Variants in YJU2B observed in about 807,000 individuals in gnomAD.
YJU2B encodes probable splicing factor YJU2B.
A neutral mutation model predicts 38.0 loss-of-function variants in YJU2B; 18 were observed. The ratio of observed to expected loss-of-function variants is 0.47; its 90% CI spans 0.33 to 0.70. The LOEUF is 0.70. YJU2B is among the 30% of genes least tolerant of loss of function. The pLI is 0.02. For missense variants in YJU2B, 538 were observed against 556.3 expected, an observed-to-expected ratio of 0.97 and a Z score of 0.33; for synonymous variants, 246 against 225.4, an observed-to-expected ratio of 1.09 and a Z score of -0.82.
Position 13,763,033 on chromosome 19 carries a change from C to G in YJU2B, c.1156C>G (p.Leu386Val). The G allele has an allele frequency of 6.3e-7, 1 of 1,578,178 alleles. No homozygotes were observed. Among genetic ancestry groups the G allele is most frequent in the East Asian group, 2.2e-5 (1 of 44,540 alleles). The change falls in exon 10 of 10, where the codon CTC (leucine) becomes GTC (valine). Residue 386 changes from leucine (L) to valine (V), a missense_variant. Around this residue, in one of 2 missense-constraint regions of YJU2B, gnomAD observed 488 missense variants for 469.5 expected, o/e 1.04. Transcript: ENST00000221554. Reference sequence around the variant, plus strand: ...GCACCCCTGCAGTCTCGGCTCCTCCCTCGTGGCGGACTACTCCGACTCGGA... The same window carrying G: ...GCACCCCTGCAGTCTCGGCTCCTCCGTCGTGGCGGACTACTCCGACTCGGA... ...TRHPCSLGSSLVADYSDSESE is the reference protein window; with the variant it reads ...TRHPCSLGSSVVADYSDSESE
In YJU2B at chr19:13,732,784, T is replaced by C. The variant is rs1972851976; in HGVS notation, c.-202+499T>C. ...CCACCACACTCAGCTAATTTCTGTA[T>C]TTTTAGTAGAGACCGGGTTTCACCG... is the stretch of plus-strand genomic sequence containing the variant. On this transcript the variant is annotated intron_variant, in intron 2 of 10. Transcript: ENST00000586600. Among the ~76,000 whole-genome samples, 3 of 151,712 alleles carry C rather than the reference T, an allele frequency of 2.0e-5. 1 individual carries two copies. In the South Asian group the frequency reaches 6.2e-4, roughly 32 times the overall value.
upstream of YJU2B, among the ~76,000 whole-genome samples, chr19:13,747,420 T>C (rs184224197): frequency 9.4e-4 from 143 of 152,340 alleles, 1 homozygote; most frequent in African/African-American, 2.4e-3. Context: ...GAGGATTGCT[T>C]GGGCCCTGGA....
At chr19:13,745,706 T>TATAG (rs1568280979), upstream of YJU2B, among the ~76,000 whole-genome samples, 1,250 of 47,266 alleles carry the variant, frequency 0.026, 28 homozygotes, top group African/African-American at 0.059. Flanking sequence ...GATATATAGA[T>TATAG]ATCTATAGAT....
chr19:13,759,032 G>C (rs780117992), intron 7 of YJU2B, 22 bp downstream of exon 7: 9 of 1,612,004 alleles, frequency 5.6e-6, no homozygotes, highest in Middle Eastern at 1.6e-4. Context: ...CCACTTACCT[G>C]CCTGGGGGCC....
At chr19:13,749,994 C>G (rs983279290) in intron 1 of YJU2B, among the ~76,000 whole-genome samples, 3 of 152,078 alleles carry the variant, frequency 2.0e-5, no homozygotes, top group Non-Finnish European at 4.4e-5. Context: ...TTTGAGGAGC[C>G]CCTGCATTTC....
chr19:13,756,590 G>C (rs1973676090), intron 4 of YJU2B, among the ~76,000 whole-genome samples: 1 of 152,132 alleles, frequency 6.6e-6, no homozygotes, highest in Non-Finnish European at 1.5e-5. Flanking sequence ...GTTTAGCAGG[G>C]ACTTGACCTG....
intron 2 of YJU2B, among the ~76,000 whole-genome samples, chr19:13,736,146 G>T (rs547186798): frequency 6.6e-6 from 1 of 151,770 alleles, no homozygotes; most frequent in Non-Finnish European, 1.5e-5. Context: ...TAAATTATAG[G>T]ATATACCAAT....
chr19:13,757,957 A>G, intron 6 of YJU2B, 111 bp downstream of exon 6: 1 of 934,652 alleles, frequency 1.1e-6, no homozygotes, highest in South Asian at 1.5e-5. Context: ...ACTCCTGGAA[A>G]TCGCCCTGGT....
At chr19:13,743,884 C>G (rs964640609), upstream of YJU2B, among the ~76,000 whole-genome samples, 10 of 127,726 alleles carry the variant, frequency 7.8e-5, no homozygotes, top group African/African-American at 3.0e-4. Flanking sequence ...GACTCAGTCT[C>G]AGGAAAAAAA....
At position 13,751,543 on chromosome 19, in the gene YJU2B, T is replaced by A. The variant is rs930857897; in HGVS notation, c.-201-65T>A. 13 of 488,610 alleles carry A rather than the reference T, an allele frequency of 2.7e-5. No individual in the cohort carries two copies. In the South Asian group the frequency reaches 3.9e-4, roughly 15 times the overall value. 30.3% of individuals were successfully genotyped at this position (488,610 alleles called of 1,614,324 possible). On this transcript the variant is annotated intron_variant, in intron 1 of 9. Coordinates refer to ENST00000221554, the MANE Select transcript of YJU2B (RefSeq NM_030818.4). ...GGACCCGGTGGGGGCCACAGAGGGA[T>A]GAAAGTGTCAGATGTGATGCGTATA...
At chr19:13,734,353 A>G (rs2145072684) in intron 2 of YJU2B, among the ~76,000 whole-genome samples, 1 of 150,438 alleles carries the variant, frequency 6.6e-6, no homozygotes, top group East Asian at 2.0e-4. Flanking sequence ...GTGCAATGGC[A>G]CGATCTTCAC....
At chr19:13,733,654 G>A (rs1972875197) in intron 2 of YJU2B, among the ~76,000 whole-genome samples, 1 of 152,130 alleles carries the variant, frequency 6.6e-6, no homozygotes, top group Admixed American at 6.5e-5. Flanking sequence ...CCAGAAGGTG[G>A]AGGTTGTAGT....
Position 13,762,440 on chromosome 19 carries a change from G to A in YJU2B, c.712+3G>A, listed in dbSNP as rs1476684418. The A allele has an allele frequency of 1.2e-6, 2 of 1,611,558 alleles. No homozygotes were observed. Among genetic ancestry groups the A allele is most frequent in the East Asian group, 4.5e-5 (2 of 44,868 alleles). On this transcript the variant is annotated splice_donor_region_variant and intron_variant, in intron 9 of 9. Transcript: ENST00000221554. Reference sequence around the variant, plus strand: ...GCTGAAGTTCCACACCCTGGACTGTGCGTAGGAGGCCAGGGGGAAAAGGGG... The same window carrying A: ...GCTGAAGTTCCACACCCTGGACTGTACGTAGGAGGCCAGGGGGAAAAGGGG...
chr19:13,754,208 T>G, intron 2 of YJU2B, 81 bp from the exon 3 acceptor site: 2 of 1,133,602 alleles, frequency 1.8e-6, no homozygotes, highest in Non-Finnish European at 2.7e-6. Context: ...CAGAAAAAAT[T>G]TTTTTGAATG....
At chr19:13,747,439 C>G (rs1027477967), upstream of YJU2B, among the ~76,000 whole-genome samples, 47 of 152,236 alleles carry the variant, frequency 3.1e-4, no homozygotes, top group African/African-American at 1.0e-3. Context: ...GAGTTCGAGA[C>G]TAGCCGGGGC....
In YJU2B at chr19:13,756,869, CGGGA is replaced by C. The variant is rs558960155; in HGVS notation, c.141-546_141-543del. On this transcript the variant is annotated intron_variant, in intron 4 of 9. Transcript: ENST00000221554. ...GCTCACACCTGTAATCCCAGCTCCT[CGGGA>C]GGCTGAGGCAGGAGAATCACTTGAA... is the stretch of plus-strand genomic sequence containing the variant. Among the ~76,000 whole-genome samples the C allele has an allele frequency of 4.6e-5, 7 of 150,930 alleles. No homozygotes were observed. In the East Asian group the frequency reaches 1.4e-3, roughly 30 times the overall value.
At chr19:13,761,946 ACT>A (rs1469763070) in intron 8 of YJU2B, among the ~76,000 whole-genome samples, 1 of 152,030 alleles carries the variant, frequency 6.6e-6, no homozygotes, top group Admixed American at 6.6e-5. Context: ...CTGGTCTCAA[ACT>A]ACTGGCCTCA....
chr19:13,752,809 A>G (rs963959277), intron 2 of YJU2B, among the ~76,000 whole-genome samples: 1 of 151,976 alleles, frequency 6.6e-6, no homozygotes, highest in African/African-American at 2.4e-5. Flanking sequence ...GCTACTCAGG[A>G]GGCTAAGGCA....
rs993099376 is a variant in YJU2B at position 13,754,344 on chromosome 19, T to TAAGC, written c.57+4_57+7dup. ...CCTCCAGACTTCAACCCTGAGAAGGTAAGCAGGCTCTCCGCTCCAGGTCCA... is the reference window on the plus strand; with the variant it reads ...CCTCCAGACTTCAACCCTGAGAAGGTAAGCAAGCAGGCTCTCCGCTCCAGGTCCA... On this transcript the variant is annotated splice_region_variant and intron_variant, in intron 3 of 9. Transcript: ENST00000221554. 4 of 1,612,544 alleles carry TAAGC rather than the reference T, an allele frequency of 2.5e-6. No individual in the cohort carries two copies. The highest frequency in any genetic ancestry group is 3.4e-6 in the Non-Finnish European group (4 of 1,178,740).
Sources: allele counts gnomAD v4.1 joint callset (sites outside exome capture counted in the v4.1 genomes callset), GRCh38; gene constraint gnomAD v4.1.1; regional missense constraint gnomAD v4.1.1; transcripts MANE v1.5; gene names NCBI Gene and HGNC (gene_info 2026-07-23, HGNC 2026-07-21).